Variants in BCL2L1 observed in about 807,000 individuals in gnomAD.
BCL2L1 encodes the protein BCL2 like 1, also known as bcl-2-like protein 1.
BCL2L1 carries 1 observed loss-of-function variant against 18.7 expected under a neutral mutation model. The ratio of observed to expected loss-of-function variants is 0.05; its 90% CI spans 0.02 to 0.25. The LOEUF is 0.25. BCL2L1 is among the 10% of genes least tolerant of loss of function. BCL2L1 has a pLI of 1.00. For synonymous variants in BCL2L1, 103 were observed against 122.7 expected (o/e 0.84, Z 1.06); for missense variants, 207 against 304.9 (o/e 0.68, Z 2.39).
chr20:31,686,298 C>T (rs900048330), intron 2 of BCL2L1: 1 of 152,182 alleles, frequency 6.6e-6, no homozygotes, highest in Non-Finnish European at 1.5e-5. Context: ...GACTGCAGAG[C>T]CTGTGTTCTT....
chr20:31,723,477 G>A (rs2061669104), upstream of BCL2L1: 3 of 985,190 alleles, frequency 3.0e-6, no homozygotes, highest in East Asian at 1.1e-4. Context: ...GCACCTCTCC[G>A]GAGCCCAGGG....
chr20:31,718,372 G>A (rs938867557), intron 2 of BCL2L1, among the ~76,000 whole-genome samples: 6 of 152,138 alleles, frequency 3.9e-5, no homozygotes, highest in Non-Finnish European at 8.8e-5. Context: ...AAAATTGGCC[G>A]GGGCCAGGCA....
intron 2 of BCL2L1, among the ~76,000 whole-genome samples, chr20:31,685,231 T>G (rs555079698): frequency 2.1e-3 from 318 of 151,950 alleles, no homozygotes; most frequent in Middle Eastern, 3.4e-3. Flanking sequence ...TGAAACCCCG[T>G]CTACTAAAAA....
In BCL2L1 at chr20:31,721,886, C is replaced by G. The variant is rs2122875053; in HGVS notation, c.333G>C (p.Gln111His). The G allele has an allele frequency of 6.2e-7, 1 of 1,614,218 alleles. No homozygotes were observed. The highest frequency in any genetic ancestry group is 8.5e-7 in the Non-Finnish European group (1 of 1,180,030). The change falls in exon 2 of 3, where the codon CAG becomes CAC. Residue 111 changes from glutamine to histidine, a missense_variant. Coordinates refer to ENST00000307677, the MANE Select transcript of BCL2L1 (RefSeq NM_138578.3). ...ATGCTGTCCCTGGGGTGATGTGGAG[C>G]TGGGATGTCAGGTCACTGAATGCCC... ...YRRAFSDLTS[Q>H]LHITPGTAYQ...
At chr20:31,697,476 C>CA (rs1344646589) in intron 2 of BCL2L1, among the ~76,000 whole-genome samples, 1 of 151,138 alleles carries the variant, frequency 6.6e-6, no homozygotes, top group East Asian at 2.0e-4. Flanking sequence ...CTCGCTCTGT[C>CA]ACCCAGGCTG....
At chr20:31,716,259 C>T (rs1041197383) in intron 2 of BCL2L1, among the ~76,000 whole-genome samples, 3 of 152,010 alleles carry the variant, frequency 2.0e-5, no homozygotes, top group African/African-American at 4.8e-5. Flanking sequence ...ATTTTTTTCT[C>T]CCTTACACCT....
intron 2 of BCL2L1, among the ~76,000 whole-genome samples, chr20:31,683,295 C>T (rs555113498): frequency 2.2e-4 from 34 of 152,344 alleles, no homozygotes; most frequent in South Asian, 4.1e-4. Context: ...TTCCTTATGT[C>T]TGGAATGTTT....
chr20:31,687,169 A>G (rs2060972587), intron 2 of BCL2L1, among the ~76,000 whole-genome samples: 1 of 152,100 alleles, frequency 6.6e-6, no homozygotes, highest in Non-Finnish European at 1.5e-5. Flanking sequence ...AACAAAACAA[A>G]ACAAAACAAA....
At chr20:31,704,011 T>G (rs769623583) in intron 2 of BCL2L1, among the ~76,000 whole-genome samples, 7 of 151,360 alleles carry the variant, frequency 4.6e-5, no homozygotes, top group African/African-American at 1.7e-4. Context: ...TTGGTCAGGC[T>G]GGTATCGAAC....
At chr20:31,682,926 A>G (rs1568862255) in intron 2 of BCL2L1, among the ~76,000 whole-genome samples, 1 of 152,168 alleles carries the variant, frequency 6.6e-6, no homozygotes, top group Admixed American at 6.6e-5. Flanking sequence ...AAATTTATCT[A>G]GAGTCCCACC....
Position 31,721,977 on chromosome 20 carries a change from A to T in BCL2L1, c.242T>A (p.Ile81Asn), listed in dbSNP as rs2122876893. The change falls in exon 2 of 3, where the codon ATC (isoleucine) becomes AAC (asparagine). Residue 81 changes from isoleucine to asparagine, a missense_variant. Coordinates refer to ENST00000307677, the MANE Select transcript of BCL2L1 (RefSeq NM_138578.3). ...CGCTTGCTTTACTGCTGCCATGGGG[A>T]TCACCTCCCGGGCATCCAAACTGCT... Reference protein sequence around the residue: ...HSSSLDAREVIPMAAVKQALR... With the variant: ...HSSSLDAREVNPMAAVKQALR... 6.2e-7 allele frequency: 1 copy of T among 1,614,012 alleles called. No homozygotes were observed. Among genetic ancestry groups the T allele is most frequent in the Non-Finnish European group, 8.5e-7 (1 of 1,179,978 alleles).
rs2060569220 is a variant in BCL2L1 at position 31,665,193 on chromosome 20, G to C, written c.*756C>G. ...TTGGGCCCAGTTGGTCCCTCAGTAT[G>C]GTCATGGGAGCCAGGGAGGGGAAGG... On this transcript the variant is annotated 3_prime_UTR_variant, in exon 3 of 3. Transcript: ENST00000307677. The C allele has an allele frequency of 5.8e-6, 1 of 172,882 alleles. No homozygotes were observed. The highest frequency in any genetic ancestry group is 2.4e-5 in the African/African-American group (1 of 42,070). The allele number at this position is 172,882 out of a possible 1,614,324, so 10.7% of individuals were successfully genotyped here.
chr20:31,699,984 T>TGA (rs2122694459), intron 2 of BCL2L1, among the ~76,000 whole-genome samples: 1 of 152,320 alleles, frequency 6.6e-6, no homozygotes, highest in South Asian at 2.1e-4. Flanking sequence ...GTGTCAAAGC[T>TGA]GAGTAACTGA....
intron 2 of BCL2L1, among the ~76,000 whole-genome samples, chr20:31,681,934 A>G (rs372760771): frequency 6.6e-6 from 1 of 152,252 alleles, no homozygotes; most frequent in South Asian, 2.1e-4. Flanking sequence ...CAGTGCAGCA[A>G]AGGGAGGGCA....
chr20:31,706,480 G>C (rs1183220132), intron 2 of BCL2L1, among the ~76,000 whole-genome samples: 1 of 152,158 alleles, frequency 6.6e-6, no homozygotes, highest in Non-Finnish European at 1.5e-5. Flanking sequence ...TGTTAATCCA[G>C]TCACTAAACA....
rs372160646 is a variant in BCL2L1, at chr20:31,683,769, C to CAAAAAAA, written c.565-17690_565-17684dup. 1.6e-4 allele frequency among the ~76,000 whole-genome samples: 13 copies of CAAAAAAA among 80,712 alleles called. 1 individual carries two copies. The highest frequency in any genetic ancestry group is 2.3e-4 in the African/African-American group (7 of 31,006). 53.0% of individuals were successfully genotyped at this position (80,712 alleles called of 152,430 possible). A position where few individuals can be genotyped will look rare whatever the true frequency, so the allele number is the denominator to read the frequency against. ...GGGCAACAAGAGTGAAACTCCATCT[C>CAAAAAAA]AAAAAAAAAAAAAAAAAAAAAAAAA... On this transcript the variant is annotated intron_variant, in intron 2 of 2. Coordinates refer to ENST00000307677, the MANE Select transcript of BCL2L1 (RefSeq NM_138578.3).
intron 2 of BCL2L1, among the ~76,000 whole-genome samples, chr20:31,707,610 C>A (rs965736374): frequency 3.3e-5 from 5 of 151,814 alleles, no homozygotes; most frequent in Non-Finnish European, 7.4e-5. Context: ...GAAACCCCGT[C>A]TCTACTAAAA....
chr20:31,713,206 T>C (rs989511480), intron 2 of BCL2L1: 2 of 936,744 alleles, frequency 2.1e-6, no homozygotes, highest in South Asian at 4.9e-5. Flanking sequence ...GAATTCTAAC[T>C]GACCTCCCTC....
intron 2 of BCL2L1, among the ~76,000 whole-genome samples, chr20:31,698,747 C>A (rs886617929): frequency 1.3e-5 from 2 of 151,954 alleles, no homozygotes; most frequent in African/African-American, 4.8e-5. Context: ...GCCATGTTGC[C>A]CAGGCTGGTC....
Sources: gnomAD v4.1 joint callset for allele counts (sites outside exome capture counted in the v4.1 genomes callset) on GRCh38, gnomAD v4.1.1 for gene constraint, MANE v1.5 for transcripts, NCBI Gene and HGNC (gene_info 2026-07-23, HGNC 2026-07-21) for gene names.